CSRNP2: variants seen among roughly 807,000 people sequenced by gnomAD.
CSRNP2 encodes the protein cysteine/serine-rich nuclear protein 2.
Under a neutral mutation model 36.6 loss-of-function variants are expected in CSRNP2, and 11 were observed. That is an observed-to-expected ratio of 0.30 (90% CI 0.19 to 0.50). The LOEUF is 0.50. Among genes scored for constraint, CSRNP2 ranks in the 20% least tolerant of loss-of-function variants. CSRNP2 has a pLI of 0.98. For missense variants in CSRNP2, 483 were observed against 691.4 expected (o/e 0.70, Z 3.38); for synonymous variants, 248 against 275.3 (o/e 0.90, Z 0.98).
At chr12:51,066,153 C>T (rs536114724) in intron 4 of CSRNP2, among the ~76,000 whole-genome samples, 1 of 152,174 alleles carries the variant, frequency 6.6e-6, no homozygotes, top group East Asian at 1.9e-4. Context: ...AACCCTGTCT[C>T]TACTAAAAAT....
intron 3 of CSRNP2, among the ~76,000 whole-genome samples, chr12:51,072,383 C>T (rs959865723): frequency 1.3e-5 from 2 of 150,634 alleles, no homozygotes; most frequent in African/African-American, 4.9e-5. Context: ...CATGGTGAAA[C>T]CCCGTCTCTA....
chr12:51,067,630 G>C lies in CSRNP2; in HGVS notation c.708+43C>G. The C allele has an allele frequency of 1.3e-6, 2 of 1,581,866 alleles. No individual in the cohort carries two copies. The highest frequency in any genetic ancestry group is 1.7e-6 in the Non-Finnish European group (2 of 1,159,338). On this transcript the variant is annotated intron_variant, in intron 4 of 4. Transcript: ENST00000228515. This position sits in a 1 kb window ranked among gnomAD's most constrained non-coding sequence, Gnocchi z 4.1. ...AGTGGCACCCACACCTCACCCCGCT[G>C]ACCCTGGTGTAGATATACTATCTCA...
intron 4 of CSRNP2, among the ~76,000 whole-genome samples, chr12:51,066,636 G>A (rs1377434300): frequency 1.4e-4 from 5 of 35,694 alleles, no homozygotes; most frequent in African/African-American, 1.4e-4. Flanking sequence ...ACGAGACTCC[G>A]TCTCAAAAAA....
intron 1 of CSRNP2, among the ~76,000 whole-genome samples, chr12:51,079,450 G>A (rs897115256): frequency 1.3e-5 from 2 of 151,844 alleles, no homozygotes; most frequent in Non-Finnish European, 2.9e-5. Context: ...GAATGCTTAT[G>A]TGGGTGGAAT....
At chr12:51,072,562 CAAAAAA>C (rs71089741) in intron 3 of CSRNP2, among the ~76,000 whole-genome samples, 10 of 66,924 alleles carry the variant, frequency 1.5e-4, no homozygotes, top group African/African-American at 6.0e-4. Flanking sequence ...GGCTCCGTCT[CAAAAAA>C]AAAAAAAAAA....
chr12:51,075,403 C>T (rs531790455), intron 2 of CSRNP2, among the ~76,000 whole-genome samples: 76 of 152,236 alleles, frequency 5.0e-4, no homozygotes, highest in African/African-American at 1.7e-3. Flanking sequence ...TGAGCCACTG[C>T]GCCCAGCCAC....
At position 51,063,483 on chromosome 12, in the gene CSRNP2, C is replaced by G. The variant is rs141806451; in HGVS notation, c.*263G>C. The G allele has an allele frequency of 7.8e-6, 2 of 257,698 alleles. No individual in the cohort carries two copies. The highest frequency in any genetic ancestry group is 4.9e-5 in the Admixed American group (1 of 20,396). The allele number at this position is 257,698 out of a possible 1,614,324, so 16.0% of individuals were successfully genotyped here. On this transcript the variant is annotated 3_prime_UTR_variant, in exon 5 of 5. Coordinates refer to ENST00000228515, the MANE Select transcript of CSRNP2 (RefSeq NM_030809.3). ...TCCTGTGAGATCCTAGTTCTTTGTT[C>G]CAGTGGCCCAGAAAGCTTAATGTTC... is the stretch of plus-strand genomic sequence containing the variant.
intron 3 of CSRNP2, among the ~76,000 whole-genome samples, chr12:51,073,369 G>T (rs1213384253): frequency 1.3e-5 from 2 of 151,834 alleles, no homozygotes; most frequent in Non-Finnish European, 2.9e-5. Flanking sequence ...ACTGAGATTT[G>T]ATTTCAAATC....
chr12:51,079,890 T>C (rs1400360093), intron 1 of CSRNP2, among the ~76,000 whole-genome samples: 2 of 147,984 alleles, frequency 1.4e-5, no homozygotes, highest in Non-Finnish European at 3.0e-5. Context: ...CTGGCCAATA[T>C]GGTGAAACCC....
chr12:51,074,515 T>C (rs977581851), intron 2 of CSRNP2, among the ~76,000 whole-genome samples: 4 of 152,190 alleles, frequency 2.6e-5, no homozygotes, highest in East Asian at 1.9e-4. Flanking sequence ...GTGCTCTCTA[T>C]ATCTAGAGAA....
At chr12:51,066,824 C>A (rs1459875511) in intron 4 of CSRNP2, among the ~76,000 whole-genome samples, 1 of 152,146 alleles carries the variant, frequency 6.6e-6, no homozygotes, top group Non-Finnish European at 1.5e-5. Context: ...CAGGCCCACA[C>A]CATTCCTCTG....
chr12:51,076,438 T>C lies in CSRNP2; in HGVS notation c.124A>G (p.Asn42Asp). The C allele has an allele frequency of 6.2e-7, 1 of 1,614,024 alleles. No individual in the cohort carries two copies. Among genetic ancestry groups the C allele is most frequent in the Non-Finnish European group, 8.5e-7 (1 of 1,180,010 alleles). ...SDSADSCDSL[N>D]PPTTASFTPT... The stretch of plus-strand genomic sequence containing the variant: ...GTGAAGCTGGCAGTGGTAGGAGGAT[T>C]GAGGCTGTCGCAGCTGTCAGCACTA... Residue 42 changes from asparagine to aspartate, a missense_variant, in exon 2 of 5, where the codon AAT becomes GAT. Asn to Asp is a conservative substitution (Grantham distance 23). Coordinates refer to ENST00000228515, the MANE Select transcript of CSRNP2 (RefSeq NM_030809.3).
chr12:51,068,010 G>A (rs2029146), intron 3 of CSRNP2, 41 bp from the exon 4 acceptor site: 811,586 of 1,583,640 alleles, frequency 0.51, 218,926 homozygotes, highest in Non-Finnish European at 0.57. Context: ...AGACATGAGC[G>A]GCATGCACCT....
intron 2 of CSRNP2, among the ~76,000 whole-genome samples, chr12:51,075,257 G>C (rs11610454): frequency 0.88 from 132,975 of 151,942 alleles, 59,034 homozygotes; most frequent in Non-Finnish European, 0.96. Flanking sequence ...GACTACAGTT[G>C]CACACCACCA....
chr12:51,080,584 G>A (rs761404629), intron 1 of CSRNP2, among the ~76,000 whole-genome samples: 2 of 152,158 alleles, frequency 1.3e-5, no homozygotes, highest in African/African-American at 2.4e-5. Flanking sequence ...GAGAATAACT[G>A]GAACCTATGG....
intron 1 of CSRNP2, among the ~76,000 whole-genome samples, chr12:51,078,453 A>G (rs1037042731): frequency 3.9e-5 from 6 of 152,212 alleles, no homozygotes; most frequent in Non-Finnish European, 8.8e-5. Context: ...AAACGAGCCC[A>G]AAGTATCAGT....
Position 51,082,845 on chromosome 12 carries a change from G to T in CSRNP2, c.-87+494C>A, listed in dbSNP as rs554177910. On this transcript the variant is annotated intron_variant, in intron 1 of 4. Transcript: ENST00000228515. ...ATGAACACTCCTGCCGAACCCTTCAGCTCTCGGCCCACTTCCCTCTGATTC... is the reference window on the plus strand; with the variant it reads ...ATGAACACTCCTGCCGAACCCTTCATCTCTCGGCCCACTTCCCTCTGATTC... Among the ~76,000 whole-genome samples the T allele has an allele frequency of 7.2e-5, 11 of 152,202 alleles. No homozygotes were observed. The South Asian group carries it at 2.3e-3, about 32-fold the overall frequency.
rs542056514 is a variant in CSRNP2, at chr12:51,075,881, T to A, written c.151+530A>T. Among the ~76,000 whole-genome samples the A allele has an allele frequency of 1.6e-4, 25 of 152,200 alleles. No homozygotes were observed. In the East Asian group the frequency reaches 4.8e-3, roughly 29 times the overall value. ...CTGGCCAACATGATGAAACCTTGTC[T>A]CTACTAAAAACACAAAAAATTAGGC... On this transcript the variant is annotated intron_variant, in intron 2 of 4. Coordinates refer to ENST00000228515, the MANE Select transcript of CSRNP2 (RefSeq NM_030809.3).
At chr12:51,065,536 T>C (rs55897461) in intron 4 of CSRNP2, among the ~76,000 whole-genome samples, 22,088 of 152,088 alleles carry the variant, frequency 0.15, 2,107 homozygotes, top group East Asian at 0.52. Flanking sequence ...TGCTCTGTCG[T>C]CCAGGCTGGA....
Sources: allele counts gnomAD v4.1 joint callset (sites outside exome capture counted in the v4.1 genomes callset), GRCh38; gene constraint gnomAD v4.1.1; non-coding constraint Gnocchi (gnomAD v3.1); transcripts MANE v1.5; gene names NCBI Gene and HGNC (gene_info 2026-07-23, HGNC 2026-07-21).